Variants in CELF2 observed in about 807,000 individuals in gnomAD.
CELF2 encodes the protein CUG triplet repeat RNA-binding protein 2.
Under a neutral mutation model 62.6 loss-of-function variants are expected in CELF2, and 8 were observed. The observed-to-expected ratio is 0.13, with a 90% confidence interval of 0.07 to 0.23. CELF2 has a LOEUF of 0.23. CELF2 is among the 10% of genes least tolerant of loss of function. The pLI is 1.00. For synonymous variants in CELF2, 258 were observed against 250.0 expected (o/e 1.03, Z -0.30); for missense variants, 333 against 671.0 (o/e 0.50, Z 5.56).
At chr10:11,153,113 A>G (rs2063642921) in intron 1 of CELF2, among the ~76,000 whole-genome samples, 1 of 152,244 alleles carries the variant, frequency 6.6e-6, no homozygotes, top group Non-Finnish European at 1.5e-5. Context: ...CCGTTGGCTC[A>G]TGCCTAATTT....
At chr10:11,253,799 G>A (rs919369941) in intron 4 of CELF2, among the ~76,000 whole-genome samples, 14 of 152,096 alleles carry the variant, frequency 9.2e-5, no homozygotes, top group Non-Finnish European at 1.6e-4. Context: ...TTCTGTGGTC[G>A]TCGTTACTAA....
At chr10:10,950,448 G>A (rs1402505429) in intron 2 of CELF2, among the ~76,000 whole-genome samples, 2 of 152,180 alleles carry the variant, frequency 1.3e-5, no homozygotes, top group African/African-American at 4.8e-5. Flanking sequence ...CTCATAAATA[G>A]TGATAACTGC....
At position 11,319,206 on chromosome 10, in the gene CELF2, A is replaced by G. The variant is rs2140889715; in HGVS notation, c.1097-1983A>G. On this transcript the variant is annotated intron_variant, in intron 10 of 12. Coordinates refer to ENST00000633077, the MANE Select transcript of CELF2 (RefSeq NM_001326342.2). The surrounding 1 kb of genome is among the most constrained non-coding windows in gnomAD (Gnocchi z 4.4). ...CATCTGTAATCCACAGCACCCGTTA[A>G]CAGCCTGGCCAAAGTGAGACCAACA... is the stretch of plus-strand genomic sequence containing the variant. 2.4e-6 allele frequency: 1 copy of G among 421,558 alleles called. No individual in the cohort carries two copies. The highest frequency in any genetic ancestry group is 4.9e-6 in the Non-Finnish European group (1 of 203,488). The allele number at this position is 421,558 out of a possible 1,614,324, so 26.1% of individuals were successfully genotyped here. A position where few individuals can be genotyped will look rare whatever the true frequency, so the allele number is the denominator to read the frequency against.
intron 1 of CELF2, among the ~76,000 whole-genome samples, chr10:11,094,201 A>G (rs1302613754): frequency 2.6e-5 from 4 of 152,246 alleles, no homozygotes; most frequent in African/African-American, 9.6e-5. Context: ...ACTGAATTGA[A>G]TTGCAGAACA....
rs538757535 is a variant in CELF2 at position 11,117,048 on chromosome 10, C to T, written c.75-48438C>T. ...ACAGCTGGTAATGGCAGAACTTTCA[C>T]GTGAACCTGAGCGGTCTGGCTTCAG... On this transcript the variant is annotated intron_variant, in intron 1 of 12. Transcript: ENST00000633077. The surrounding 1 kb of genome is among the most constrained non-coding windows in gnomAD (Gnocchi z 4.1). Among the ~76,000 whole-genome samples, 61 of 152,312 alleles carry T rather than the reference C, an allele frequency of 4.0e-4. No homozygotes were observed. The highest frequency in any genetic ancestry group is 7.2e-4 in the Non-Finnish European group (49 of 68,032).
chr10:11,310,389 G>A (rs2094499499), intron 9 of CELF2, among the ~76,000 whole-genome samples: 1 of 152,122 alleles, frequency 6.6e-6, no homozygotes, highest in Admixed American at 6.5e-5. Flanking sequence ...AGCAGGTTGT[G>A]GGTTGTGGGT....
At chr10:11,102,830 A>G (rs2052121093) in intron 1 of CELF2, among the ~76,000 whole-genome samples, 1 of 151,852 alleles carries the variant, frequency 6.6e-6, no homozygotes, top group African/African-American at 2.4e-5. Flanking sequence ...TTTCTCTCTC[A>G]TTCCCCACAG....
chr10:10,651,175 C>T, the CELF2 span, among the ~76,000 whole-genome samples: 5 of 121,992 alleles, frequency 4.1e-5, 1 homozygote, highest in African/African-American at 1.5e-4. Flanking sequence ...GCTTAAAAAA[C>T]GGCGCACCAC....
rs79799197 is a variant in CELF2 at position 10,919,310 on chromosome 10, G to A, written c.54-654G>A. The stretch of plus-strand genomic sequence containing the variant: ...GAAAGAAAACGAAAGACAAGAGACG[G>A]CAATTGGGACAAAGTTAGTTTTGAA... On this transcript the variant is annotated intron_variant, in intron 1 of 13. Transcript: ENST00000636488. 9.7e-4 allele frequency among the ~76,000 whole-genome samples: 147 copies of A among 152,136 alleles called. 1 individual carries two copies. In the East Asian group the frequency reaches 0.013, roughly 14 times the overall value.
At chr10:10,554,717 C>A in the CELF2 span, among the ~76,000 whole-genome samples, 1 of 152,122 alleles carries the variant, frequency 6.6e-6, no homozygotes, top group African/African-American at 2.4e-5. Flanking sequence ...GCTCTTCCAT[C>A]GTCTATGTAA....
At position 10,950,633 on chromosome 10, in the gene CELF2, G is replaced by A. The variant is rs575193938; in HGVS notation, c.89+30634G>A. ...CATGAAGAGGGACTCTGGGGACCAC[G>A]ATTCCCCATTGCTGCTGCCCTCTTT... is the stretch of plus-strand genomic sequence containing the variant. On this transcript the variant is annotated intron_variant, in intron 2 of 13. Coordinates refer to the CELF2 transcript ENST00000636488. 2.4e-4 allele frequency among the ~76,000 whole-genome samples: 37 copies of A among 152,290 alleles called. No homozygotes were observed. The South Asian group carries it at 6.4e-3, about 26-fold the overall frequency.
At chr10:11,105,909 C>T (rs536084729) in intron 1 of CELF2, among the ~76,000 whole-genome samples, 27 of 152,224 alleles carry the variant, frequency 1.8e-4, no homozygotes, top group Non-Finnish European at 1.9e-4. Context: ...CTTCATAGCA[C>T]TTACTATCTG....
At chr10:10,987,211 C>T (rs1430070000) in intron 2 of CELF2, among the ~76,000 whole-genome samples, 1 of 151,670 alleles carries the variant, frequency 6.6e-6, no homozygotes, top group Non-Finnish European at 1.5e-5. Context: ...TTTAGAATAC[C>T]TTGTAAGTCA....
At chr10:11,317,865 C>T (rs2095148441) in intron 10 of CELF2, 1 of 152,264 alleles carries the variant, frequency 6.6e-6, no homozygotes, top group Admixed American at 6.5e-5. Flanking sequence ...TTGCTGCGCA[C>T]TGCCGCACCT....
the CELF2 span, among the ~76,000 whole-genome samples, chr10:10,635,719 G>C: frequency 6.6e-6 from 1 of 152,090 alleles, no homozygotes. Context: ...TAAATAATCA[G>C]CAGAATTTAA....
intron 3 of CELF2, among the ~76,000 whole-genome samples, chr10:11,227,000 A>T (rs568838733): frequency 2.6e-5 from 4 of 152,256 alleles, no homozygotes; most frequent in Non-Finnish European, 5.9e-5. Context: ...GCTCCGTCCA[A>T]CTGTCCTCGC....
In CELF2 at chr10:11,191,064, A is replaced by G. The variant is rs139539884; in HGVS notation, c.271+25382A>G. Among the ~76,000 whole-genome samples, 792 of 152,290 alleles carry G rather than the reference A, an allele frequency of 5.2e-3. 7 individuals carry two copies. The highest frequency in any genetic ancestry group is 0.014 in the African/African-American group (597 of 41,556). On this transcript the variant is annotated intron_variant, in intron 2 of 12. Transcript: ENST00000633077. The surrounding 1 kb of genome is among the most constrained non-coding windows in gnomAD (Gnocchi z 4.1). ...TGTACAGAAAACTTAGAAGTAAATTAGGGTTTAAATCCAGTTCCCTGAGGT... is the reference window on the plus strand; with the variant it reads ...TGTACAGAAAACTTAGAAGTAAATTGGGGTTTAAATCCAGTTCCCTGAGGT...
chr10:11,149,252 G>A (rs1181574847), intron 1 of CELF2, among the ~76,000 whole-genome samples: 1 of 152,104 alleles, frequency 6.6e-6, no homozygotes, highest in Non-Finnish European at 1.5e-5. Flanking sequence ...TGTATTTTTA[G>A]TGGAGACAGG....
chr10:10,586,582 GT>G, the CELF2 span, among the ~76,000 whole-genome samples: 3 of 152,122 alleles, frequency 2.0e-5, no homozygotes, highest in African/African-American at 7.2e-5. Flanking sequence ...AAGCTATGCC[GT>G]GTAGTGGGAA....
Sources: allele counts gnomAD v4.1 joint callset (sites outside exome capture counted in the v4.1 genomes callset), GRCh38; gene constraint gnomAD v4.1.1; non-coding constraint Gnocchi (gnomAD v3.1); transcripts MANE v1.5; gene names NCBI Gene and HGNC (gene_info 2026-07-23, HGNC 2026-07-21).